ACTA2: variants seen among roughly 807,000 people sequenced by gnomAD.
The protein encoded by ACTA2 is actin alpha 2, smooth muscle, also known as actin, aortic smooth muscle.
In ACTA2, 12 loss-of-function variants were observed where a neutral mutation model predicts 39.5. The ratio of observed to expected loss-of-function variants is 0.30; its 90% CI spans 0.19 to 0.49. The LOEUF is 0.49. Among genes scored for constraint, ACTA2 ranks in the 20% least tolerant of loss-of-function variants. ACTA2 has a pLI of 0.99. For missense variants in ACTA2, 236 were observed against 498.8 expected, an observed-to-expected ratio of 0.47 and a Z score of 5.02; for synonymous variants, 158 against 180.6, an observed-to-expected ratio of 0.88 and a Z score of 1.00.
chr10:88,968,874 T>C (rs1364550700), intron 1 of ACTA2, among the ~76,000 whole-genome samples: 1 of 152,190 alleles, frequency 6.6e-6, no homozygotes, highest in African/African-American at 2.4e-5. Context: ...TCTTGGAAAG[T>C]AGATGTGGAG....
chr10:88,970,582 C>T (rs1846416868), intron 1 of ACTA2, among the ~76,000 whole-genome samples: 1 of 152,050 alleles, frequency 6.6e-6, no homozygotes, highest in Non-Finnish European at 1.5e-5. Context: ...TTTAGATAGT[C>T]CAGAAATTAG....
Position 88,990,229 on chromosome 10 carries a change from T to C in ACTA2, c.-24+710A>G, listed in dbSNP as rs1425937541. Reference sequence around the variant, plus strand: ...AGAAACGTCTGTGAGCCTCTCATGTTGCAGCCACAACATGGACAGCCCAGT... The same window carrying C: ...AGAAACGTCTGTGAGCCTCTCATGTCGCAGCCACAACATGGACAGCCCAGT... On this transcript the variant is annotated intron_variant, in intron 1 of 4. Transcript: ENST00000415557. The surrounding 1 kb of genome is among the most constrained non-coding windows in gnomAD (Gnocchi z 4.9). 6.6e-6 allele frequency among the ~76,000 whole-genome samples: 1 copy of C among 152,226 alleles called. No homozygotes were observed. The highest frequency in any genetic ancestry group is 2.4e-5 in the African/African-American group (1 of 41,452).
chr10:88,956,059 A>G (rs772903373), upstream of ACTA2, among the ~76,000 whole-genome samples: 22 of 152,238 alleles, frequency 1.4e-4, no homozygotes, highest in Admixed American at 6.5e-5. Context: ...CGGATGCTCC[A>G]TAATGAGGAA....
intron 4 of ACTA2, 82 bp downstream of exon 4, chr10:88,943,715 C>G: frequency 8.3e-7 from 1 of 1,204,984 alleles, no homozygotes; most frequent in Non-Finnish European, 1.2e-6. Flanking sequence ...CTCCGGCCTT[C>G]TCTCTGCTGT....
At chr10:88,960,382 A>G (rs1589408209) in intron 1 of ACTA2, among the ~76,000 whole-genome samples, 1 of 152,180 alleles carries the variant, frequency 6.6e-6, no homozygotes, top group South Asian at 2.1e-4. Context: ...AGACTAGCTG[A>G]TAGTCACTTA....
intron 1 of ACTA2, among the ~76,000 whole-genome samples, chr10:88,960,719 T>G (rs569071714): frequency 5.3e-5 from 8 of 152,110 alleles, no homozygotes; most frequent in Non-Finnish European, 8.8e-5. Flanking sequence ...ATACCATTAT[T>G]GACAACAATG....
chr10:88,956,382 A>G (rs2133290120), upstream of ACTA2, among the ~76,000 whole-genome samples: 1 of 152,354 alleles, frequency 6.6e-6, no homozygotes, highest in Middle Eastern at 3.4e-3. Context: ...AGCCTGCAGC[A>G]GAGCATCTTC....
At chr10:88,958,045 C>T (rs762782294) in intron 1 of ACTA2, among the ~76,000 whole-genome samples, 5 of 152,216 alleles carry the variant, frequency 3.3e-5, no homozygotes, top group Admixed American at 6.5e-5. Context: ...GGATTACAGA[C>T]GTGACTCCCT....
At chr10:88,939,876 C>T (rs1191069679) in intron 6 of ACTA2, 178 bp from the exon 7 acceptor site, 4 of 666,998 alleles carry the variant, frequency 6.0e-6, no homozygotes, top group Admixed American at 2.1e-5. Flanking sequence ...CAGGGAACCA[C>T]CTCTGTTCCT....
chr10:88,939,559 G>T lies in ACTA2; in HGVS notation c.756C>A (p.Ile252=). 1 of 1,614,074 alleles carries T rather than the reference G, an allele frequency of 6.2e-7. No individual in the cohort carries two copies. The highest frequency in any genetic ancestry group is 1.1e-5 in the South Asian group (1 of 91,078). ...CTGGGCAGCGGAAACGTTCATTTCCGATGGTGATCACTTGCCCATCAGGCA... is the reference window on the plus strand; with the variant it reads ...CTGGGCAGCGGAAACGTTCATTTCCTATGGTGATCACTTGCCCATCAGGCA... ...YELPDGQVIT[I]GNERFRCPET... is the part of the protein sequence containing the mutation. The change falls in exon 7 of 9, where the codon ATC becomes ATA. Residue 252 remains isoleucine (I), a synonymous_variant. Coordinates refer to ENST00000224784, the MANE Select transcript of ACTA2 (RefSeq NM_001613.4).
rs1405469078 is a variant in ACTA2, at chr10:88,948,785, A to G, written c.129+17T>C. ...CTAATCTGTGTCCTGTTATGTTCCA[A>G]TCATAATTTTCCTCACCTGATGTCT... On this transcript the variant is annotated intron_variant, in intron 2 of 8. Coordinates refer to ENST00000224784, the MANE Select transcript of ACTA2 (RefSeq NM_001613.4). 6.2e-7 allele frequency: 1 copy of G among 1,613,664 alleles called. No homozygotes were observed. The highest frequency in any genetic ancestry group is 2.2e-5 in the East Asian group (1 of 44,882).
intron 1 of ACTA2, among the ~76,000 whole-genome samples, chr10:88,968,415 C>A (rs1324191200): frequency 6.6e-6 from 1 of 152,042 alleles, no homozygotes; most frequent in African/African-American, 2.4e-5. Context: ...GCAATTAAAA[C>A]CATGTTTGTT....
chr10:88,972,763 T>C (rs1212911101), intron 1 of ACTA2, among the ~76,000 whole-genome samples: 1 of 152,210 alleles, frequency 6.6e-6, no homozygotes, highest in Non-Finnish European at 1.5e-5. Context: ...CATACAATGG[T>C]ATGATTTTTA....
intron 7 of ACTA2, among the ~76,000 whole-genome samples, chr10:88,938,759 C>G (rs909443400): frequency 2.0e-5 from 3 of 151,962 alleles, no homozygotes; most frequent in Admixed American, 6.5e-5. Context: ...GGGGTCTGGA[C>G]TTTTGTTAAT....
At chr10:88,985,646 C>T (rs560478309) in intron 1 of ACTA2, among the ~76,000 whole-genome samples, 7 of 152,268 alleles carry the variant, frequency 4.6e-5, no homozygotes, top group African/African-American at 1.2e-4. Flanking sequence ...GTAAAGAGTC[C>T]CCCACCCCCA....
chr10:88,949,084 C>A, intron 1 of ACTA2, 131 bp from the exon 2 acceptor site: 1 of 777,074 alleles, frequency 1.3e-6, no homozygotes, highest in South Asian at 1.6e-5. Context: ...TGACCCTTAT[C>A]TAATATAGCA....
rs540105387 is a variant in ACTA2, at chr10:88,959,805, A to G, written c.-23-10852T>C. Reference sequence around the variant, plus strand: ...TTAGCCATGTCCTCTTAGCTGTGACAGTTTCTCAGACTTTTCTTATTTTTA... The same window carrying G: ...TTAGCCATGTCCTCTTAGCTGTGACGGTTTCTCAGACTTTTCTTATTTTTA... On this transcript the variant is annotated intron_variant, in intron 1 of 4. Transcript: ENST00000415557. Among the ~76,000 whole-genome samples the G allele has an allele frequency of 3.9e-5, 6 of 152,316 alleles. No individual in the cohort carries two copies. In the East Asian group the frequency reaches 7.7e-4, roughly 20 times the overall value.
intron 1 of ACTA2, among the ~76,000 whole-genome samples, chr10:88,962,963 ATATATATATAT>A (rs1846258380): frequency 9.1e-5 from 3 of 32,796 alleles, no homozygotes; most frequent in African/African-American, 5.0e-4. Context: ...ATATATATAT[ATATATATATAT>A]ATAATATTTT....
intron 1 of ACTA2, among the ~76,000 whole-genome samples, chr10:88,950,898 T>G (rs1846038217): frequency 6.6e-6 from 1 of 152,260 alleles, no homozygotes; most frequent in South Asian, 2.1e-4. Flanking sequence ...CAATAAATAC[T>G]AATTTCATCA....
Sources: allele counts gnomAD v4.1 joint callset (sites outside exome capture counted in the v4.1 genomes callset), GRCh38; gene constraint gnomAD v4.1.1; non-coding constraint Gnocchi (gnomAD v3.1); transcripts MANE v1.5; gene names NCBI Gene and HGNC (gene_info 2026-07-23, HGNC 2026-07-21).